The following THSD7B variants were observed in gnomAD, a reference collection of about 807,000 sequenced individuals.
THSD7B encodes the protein thrombospondin type 1 domain containing 7B.
In THSD7B, 138 loss-of-function variants were observed where a neutral mutation model predicts 213.6. That is an observed-to-expected ratio of 0.65 (90% CI 0.56 to 0.74). The LOEUF (loss-of-function observed/expected upper bound fraction) is 0.74, where lower values mean the gene tolerates loss of function less well. Among genes scored for constraint, THSD7B ranks in the 30% least tolerant of loss-of-function variants. The pLI is 0.00. For synonymous variants in THSD7B, 742 were observed against 687.0 expected, an observed-to-expected ratio of 1.08 and a Z score of -1.25; for missense variants, 1,931 against 1,991.5, an observed-to-expected ratio of 0.97 and a Z score of 0.58.
chr2:136,791,870 A>G (rs1681970438), intron 1 of THSD7B, among the ~76,000 whole-genome samples: 1 of 152,014 alleles, frequency 6.6e-6, no homozygotes, highest in Non-Finnish European at 1.5e-5. Flanking sequence ...TTGTGTGGAC[A>G]TGTTTTCATT....
In THSD7B at chr2:137,304,319, C is replaced by G. The variant is rs545693240; in HGVS notation, c.2500+28293C>G. ...ATTAAATAATGCAAAAAATATCTAT[C>G]AAGCAATGACTGTGGTAGGCATAAT... On this transcript the variant is annotated intron_variant, in intron 12 of 27. Coordinates refer to ENST00000409968, the MANE Select transcript of THSD7B (RefSeq NM_001316349.2). Among the ~76,000 whole-genome samples the G allele has an allele frequency of 4.6e-5, 7 of 152,228 alleles. 1 individual carries two copies. Among genetic ancestry groups the G allele is most frequent in the African/African-American group, 1.7e-4 (7 of 41,548 alleles).
intron 26 of THSD7B, among the ~76,000 whole-genome samples, chr2:137,666,501 A>G (rs1013543210): frequency 1.3e-5 from 2 of 152,012 alleles, no homozygotes; most frequent in Admixed American, 6.6e-5. Flanking sequence ...GATTTTATTC[A>G]AAACAAGTGT....
At chr2:137,617,249 C>T (rs1682404564) in intron 18 of THSD7B, among the ~76,000 whole-genome samples, 1 of 152,282 alleles carries the variant, frequency 6.6e-6, no homozygotes, top group East Asian at 1.9e-4. Context: ...ATCTTTGAAA[C>T]ACTGATTTTA....
intron 1 of THSD7B, among the ~76,000 whole-genome samples, chr2:136,779,236 G>T (rs1314508145): frequency 7.0e-6 from 1 of 142,328 alleles, no homozygotes; most frequent in African/African-American, 2.7e-5. Flanking sequence ...GTGTGTGTGT[G>T]TGTGTATTCT....
intron 12 of THSD7B, among the ~76,000 whole-genome samples, chr2:137,315,932 AT>A (rs1221805237): frequency 6.6e-6 from 1 of 151,926 alleles, no homozygotes; most frequent in Non-Finnish European, 1.5e-5. Context: ...CTAGTATGCT[AT>A]TTTTTTCATT....
intron 26 of THSD7B, 75 bp from the exon 27 acceptor site, chr2:137,667,699 C>T (rs1161343889): frequency 8.1e-7 from 1 of 1,234,998 alleles, no homozygotes; most frequent in African/African-American, 1.5e-5. Context: ...GTTGTCAGAT[C>T]TGATGTTGCC....
intron 5 of THSD7B, among the ~76,000 whole-genome samples, chr2:137,158,183 T>A (rs1404031856): frequency 1.3e-5 from 2 of 152,230 alleles, no homozygotes; most frequent in Admixed American, 6.5e-5. Flanking sequence ...AATGAATGAC[T>A]GTCTTGTGTG....
chr2:137,599,355 C>T lies in THSD7B; in HGVS notation c.3424-16820C>T, dbSNP rs1267977831. 4.6e-5 allele frequency among the ~76,000 whole-genome samples: 7 copies of T among 152,178 alleles called. No individual in the cohort carries two copies. In the East Asian group the frequency reaches 1.2e-3, roughly 25 times the overall value. On this transcript the variant is annotated intron_variant, in intron 17 of 27. Transcript: ENST00000409968. Reference sequence around the variant, plus strand: ...GCCACAGACACTTCTCAAAAGAAGACATTTATGCAGCCAAAAATCACATGA... The same window carrying T: ...GCCACAGACACTTCTCAAAAGAAGATATTTATGCAGCCAAAAATCACATGA...
chr2:137,512,673 C>T (rs1201974950), intron 15 of THSD7B, among the ~76,000 whole-genome samples: 2 of 151,900 alleles, frequency 1.3e-5, no homozygotes, highest in Admixed American at 6.6e-5. Context: ...GGATTACAAG[C>T]GTAAGCCACC....
chr2:137,370,187 A>G (rs1005891307), intron 12 of THSD7B, among the ~76,000 whole-genome samples: 1 of 152,162 alleles, frequency 6.6e-6, no homozygotes, highest in African/African-American at 2.4e-5. Context: ...GCTATTTCGT[A>G]TACTTGTGAA....
chr2:137,458,498 T>G (rs1358572303), intron 15 of THSD7B, among the ~76,000 whole-genome samples: 2 of 152,174 alleles, frequency 1.3e-5, no homozygotes, highest in African/African-American at 2.4e-5. Flanking sequence ...ATCCCACTTT[T>G]TAAAACTTCC....
chr2:137,556,162 C>A (rs1680961145), intron 15 of THSD7B, among the ~76,000 whole-genome samples: 1 of 152,128 alleles, frequency 6.6e-6, no homozygotes, highest in Admixed American at 6.6e-5. Context: ...GCAAGACAGG[C>A]CAACATTCAA....
rs527249178 is a variant in THSD7B, at chr2:137,391,176, G to C, written c.2501-14437G>C. 8.8e-4 allele frequency among the ~76,000 whole-genome samples: 134 copies of C among 152,054 alleles called. 4 individuals are homozygous for C. The highest frequency in any genetic ancestry group is 8.7e-3 in the Admixed American group (133 of 15,270). ...GGTTCAGGATTTCTGTTTGTTCTTG[G>C]TTTCATTTTGGGAGGTTGTATGTTT... On this transcript the variant is annotated intron_variant, in intron 12 of 27. Coordinates refer to ENST00000409968, the MANE Select transcript of THSD7B (RefSeq NM_001316349.2).
At chr2:137,098,283 TG>T (rs1291896502) in intron 4 of THSD7B, among the ~76,000 whole-genome samples, 1 of 152,200 alleles carries the variant, frequency 6.6e-6, no homozygotes, top group African/African-American at 2.4e-5. Flanking sequence ...CTTTGCTATT[TG>T]AGATGTGTTT....
rs540109317 is a variant in THSD7B at position 137,623,032 on chromosome 2, G to A, written c.3799+2306G>A. Among the ~76,000 whole-genome samples, 8 of 152,218 alleles carry A rather than the reference G, an allele frequency of 5.3e-5. No homozygotes were observed. In the East Asian group the frequency reaches 7.7e-4, roughly 15 times the overall value. ...CTGGCAGAGACACAACAAAAAAAGA[G>A]AATTTTAGACCAATATCCTTGATGA... is the stretch of plus-strand genomic sequence containing the variant. On this transcript the variant is annotated intron_variant, in intron 20 of 27. Coordinates refer to ENST00000409968, the MANE Select transcript of THSD7B (RefSeq NM_001316349.2).
intron 5 of THSD7B, 105 bp downstream of exon 5, chr2:137,115,398 C>A (rs1296207143): frequency 8.2e-6 from 10 of 1,217,400 alleles, no homozygotes; most frequent in Non-Finnish European, 1.1e-5. Context: ...AGCATTCACA[C>A]ATTTAATATT....
chr2:137,410,554 C>T (rs879493357), intron 13 of THSD7B, among the ~76,000 whole-genome samples: 7 of 152,134 alleles, frequency 4.6e-5, no homozygotes, highest in Non-Finnish European at 1.0e-4. Flanking sequence ...CAGATGTGAG[C>T]CACCATGCCC....
At chr2:136,899,645 G>A (rs1192537945) in intron 2 of THSD7B, among the ~76,000 whole-genome samples, 1 of 152,166 alleles carries the variant, frequency 6.6e-6, no homozygotes, top group Non-Finnish European at 1.5e-5. Context: ...TGTAAGTGGG[G>A]TTCCTAAAAT....
chr2:137,402,110 T>C (rs565415418), intron 12 of THSD7B, among the ~76,000 whole-genome samples: 4 of 152,356 alleles, frequency 2.6e-5, no homozygotes, highest in African/African-American at 9.6e-5. Flanking sequence ...ATAGCATTTA[T>C]CAAGCTCTTT....
Sources: allele counts gnomAD v4.1 joint callset (sites outside exome capture counted in the v4.1 genomes callset), GRCh38; gene constraint gnomAD v4.1.1; transcripts MANE v1.5; gene names NCBI Gene and HGNC (gene_info 2026-07-23, HGNC 2026-07-21).